NLGN1: variants seen among roughly 807,000 people sequenced by gnomAD.
The protein encoded by NLGN1 is neuroligin-1.
NLGN1 carries 12 observed loss-of-function variants against 65.5 expected under a neutral mutation model. The ratio of observed to expected loss-of-function variants is 0.18; its 90% CI spans 0.12 to 0.30. NLGN1 has a LOEUF of 0.30. NLGN1 is among the 10% of genes least tolerant of loss of function. The pLI is 1.00. For missense variants in NLGN1, 750 were observed against 1,007.1 expected, an observed-to-expected ratio of 0.74 and a Z score of 3.46; for synonymous variants, 350 against 359.5, an observed-to-expected ratio of 0.97 and a Z score of 0.30.
In NLGN1 at chr3:173,807,834, TAAG is replaced by T; in HGVS notation, c.646+7_646+9del. 3.7e-6 allele frequency: 6 copies of T among 1,612,564 alleles called. No individual in the cohort carries two copies. The South Asian group carries it at 4.4e-5, about 12-fold the overall frequency. ...TCAACTATCGACTTGGAGTACTCGG[TAAG>T]AAGAGTCTCTCTTTTGTTTTCACCA... is the stretch of plus-strand genomic sequence containing the variant. On this transcript the variant is annotated splice_donor_5th_base_variant and intron_variant, in intron 4 of 6. Transcript: ENST00000457714.
At chr3:173,481,169 A>G (rs1326186974) in intron 2 of NLGN1, among the ~76,000 whole-genome samples, 1 of 152,054 alleles carries the variant, frequency 6.6e-6, no homozygotes, top group Admixed American at 6.6e-5. Flanking sequence ...TGCCATAAAT[A>G]TATGCTATTT....
At chr3:173,451,059 A>G (rs957362716) in intron 2 of NLGN1, among the ~76,000 whole-genome samples, 4 of 151,908 alleles carry the variant, frequency 2.6e-5, no homozygotes, top group East Asian at 1.9e-4. Flanking sequence ...TCTTCTCTCA[A>G]CTCGTCAAAG....
intron 3 of NLGN1, among the ~76,000 whole-genome samples, chr3:173,621,021 C>T (rs1560064204): frequency 6.6e-6 from 1 of 152,100 alleles, no homozygotes; most frequent in African/African-American, 2.4e-5. Context: ...ACGTGTATTT[C>T]CGAGCATTTA....
At chr3:173,981,080 G>A (rs538765677) in intron 4 of NLGN1, among the ~76,000 whole-genome samples, 2 of 152,166 alleles carry the variant, frequency 1.3e-5, no homozygotes, top group East Asian at 3.9e-4. Flanking sequence ...TGTGGGCACT[G>A]GAGTCACAAG....
chr3:173,669,497 C>T (rs1330678373), intron 3 of NLGN1, among the ~76,000 whole-genome samples: 1 of 152,192 alleles, frequency 6.6e-6, no homozygotes, highest in East Asian at 1.9e-4. Context: ...TCCCTGTGTG[C>T]ATGACTGTCT....
rs369097483 is a variant in NLGN1, at chr3:174,141,770, G to T, written c.647-133545G>T. Among the ~76,000 whole-genome samples the T allele has an allele frequency of 4.5e-4, 68 of 152,228 alleles. No homozygotes were observed. The South Asian group carries it at 6.0e-3, about 13-fold the overall frequency. On this transcript the variant is annotated intron_variant, in intron 4 of 6. Transcript: ENST00000457714. Reference sequence around the variant, plus strand: ...GGAGAGATGAACAATAAATAGATCAGCATTAAATTAATAAGGTCATTTCAG... The same window carrying T: ...GGAGAGATGAACAATAAATAGATCATCATTAAATTAATAAGGTCATTTCAG...
intron 4 of NLGN1, among the ~76,000 whole-genome samples, chr3:173,857,475 T>G (rs2150777408): frequency 6.6e-6 from 1 of 152,192 alleles, no homozygotes; most frequent in East Asian, 1.9e-4. Context: ...CCAATTTATT[T>G]AACTGTTTGA....
chr3:173,674,613 A>G (rs1762881893), intron 3 of NLGN1, among the ~76,000 whole-genome samples: 1 of 147,612 alleles, frequency 6.8e-6, no homozygotes, highest in South Asian at 2.2e-4. Context: ...CCGAAATTAG[A>G]TTCCTCTTTA....
At chr3:173,427,712 G>T (rs1315308794) in intron 1 of NLGN1, among the ~76,000 whole-genome samples, 1 of 151,908 alleles carries the variant, frequency 6.6e-6, no homozygotes, top group Non-Finnish European at 1.5e-5. Flanking sequence ...AATTTGTTCA[G>T]ACTTGCTTTG....
intron 4 of NLGN1, among the ~76,000 whole-genome samples, chr3:174,273,576 T>TATC (rs1208719554): frequency 2.0e-5 from 3 of 148,900 alleles, no homozygotes; most frequent in African/African-American, 7.3e-5. Flanking sequence ...CAAATACTTC[T>TATC]ATCTAAGAAG....
At chr3:173,407,965 G>C (rs1292935623) in intron 1 of NLGN1, among the ~76,000 whole-genome samples, 15 of 152,120 alleles carry the variant, frequency 9.9e-5, no homozygotes, top group Admixed American at 7.9e-4. Context: ...ATTTAAAATG[G>C]AATGTATGAT....
intron 3 of NLGN1, among the ~76,000 whole-genome samples, chr3:173,611,859 A>G (rs1752352964): frequency 6.6e-6 from 1 of 152,084 alleles, no homozygotes; most frequent in African/African-American, 2.4e-5. Context: ...TTTAAGATTT[A>G]TGCCACCAGC....
At chr3:173,708,665 C>A (rs1578061390) in intron 3 of NLGN1, among the ~76,000 whole-genome samples, 1 of 152,072 alleles carries the variant, frequency 6.6e-6, no homozygotes, top group African/African-American at 2.4e-5. Flanking sequence ...GAATCCTTGT[C>A]CCCTGAGGAG....
At chr3:173,786,095 G>T (rs1347211766) in intron 3 of NLGN1, among the ~76,000 whole-genome samples, 1 of 152,118 alleles carries the variant, frequency 6.6e-6, no homozygotes, top group Non-Finnish European at 1.5e-5. Context: ...GGATAAGAGG[G>T]TTAGTAAATG....
intron 3 of NLGN1, among the ~76,000 whole-genome samples, chr3:173,706,847 ACAT>A (rs1028728074): frequency 1.4e-4 from 21 of 152,222 alleles, no homozygotes; most frequent in African/African-American, 3.4e-4. Context: ...GCACACACAC[ACAT>A]CTTTTCCCAA....
At chr3:174,139,571 A>G (rs886521866) in intron 4 of NLGN1, among the ~76,000 whole-genome samples, 2 of 152,120 alleles carry the variant, frequency 1.3e-5, no homozygotes, top group African/African-American at 4.8e-5. Flanking sequence ...TAAAGATACT[A>G]TATCTCAGTG....
At chr3:173,434,888 G>T (rs1428621115) in intron 1 of NLGN1, 1 of 152,564 alleles carries the variant, frequency 6.6e-6, no homozygotes, top group African/African-American at 2.4e-5. Context: ...TGGTCATTTG[G>T]TCTAATGTAA....
chr3:174,241,660 T>C (rs1742848184), intron 4 of NLGN1, among the ~76,000 whole-genome samples: 1 of 151,804 alleles, frequency 6.6e-6, no homozygotes, highest in Admixed American at 6.6e-5. Context: ...CTTTTTTTTT[T>C]TTTTTCTTTT....
chr3:174,020,235 C>T (rs1253576737), intron 4 of NLGN1, among the ~76,000 whole-genome samples: 1 of 151,908 alleles, frequency 6.6e-6, no homozygotes, highest in African/African-American at 2.4e-5. Context: ...TTAATTGATT[C>T]CTTCTGTAAT....
Sources: allele counts gnomAD v4.1 joint callset (sites outside exome capture counted in the v4.1 genomes callset), GRCh38; gene constraint gnomAD v4.1.1; transcripts MANE v1.5; gene names NCBI Gene and HGNC (gene_info 2026-07-23, HGNC 2026-07-21).